Variants in ROBO2 observed in about 807,000 individuals in gnomAD.
The protein encoded by ROBO2 is roundabout guidance receptor 2, also known as roundabout homolog 2.
In ROBO2, 53 loss-of-function variants were observed where a neutral mutation model predicts 160.8. That is an observed-to-expected ratio of 0.33 (90% CI 0.26 to 0.41). ROBO2 has a LOEUF of 0.41. Ranked by LOEUF, ROBO2 falls within the 10% of genes least tolerant of loss-of-function variation. ROBO2 has a pLI of 1.00. For missense variants in ROBO2, 1,577 were observed against 1,722.4 expected, an observed-to-expected ratio of 0.92 and a Z score of 1.49; for synonymous variants, 664 against 611.7, an observed-to-expected ratio of 1.09 and a Z score of -1.26.
At chr3:77,199,777 C>T (rs1040725081) in intron 2 of ROBO2, among the ~76,000 whole-genome samples, 4 of 145,732 alleles carry the variant, frequency 2.7e-5, no homozygotes, top group Non-Finnish European at 3.1e-5. Flanking sequence ...CTTGTGCCAC[C>T]GTACCTCGCT....
chr3:77,645,390 T>G (rs2095402820), intron 25 of ROBO2, among the ~76,000 whole-genome samples: 1 of 152,212 alleles, frequency 6.6e-6, no homozygotes, highest in Non-Finnish European at 1.5e-5. Flanking sequence ...AATAACATTT[T>G]ATAAATAAAT....
intron 2 of ROBO2, among the ~76,000 whole-genome samples, chr3:77,218,270 C>T (rs1295359399): frequency 6.6e-6 from 1 of 152,136 alleles, no homozygotes; most frequent in East Asian, 1.9e-4. Context: ...TGCCAACCTC[C>T]TTCTCATACT....
intron 2 of ROBO2, among the ~76,000 whole-genome samples, chr3:77,292,599 C>T (rs2061438382): frequency 6.7e-6 from 1 of 148,768 alleles, no homozygotes; most frequent in Non-Finnish European, 1.5e-5. Flanking sequence ...GGCCAGATCA[C>T]CCCAGACATA....
chr3:76,302,319 CTTAT>C (rs1709402653), intron 2 of ROBO2, among the ~76,000 whole-genome samples: 1 of 152,036 alleles, frequency 6.6e-6, no homozygotes, highest in Non-Finnish European at 1.5e-5. Context: ...TCTGAGAACT[CTTAT>C]TTCTTTGTTT....
chr3:76,722,635 AG>A (rs1376778522), intron 2 of ROBO2, among the ~76,000 whole-genome samples: 1 of 152,184 alleles, frequency 6.6e-6, no homozygotes, highest in African/African-American at 2.4e-5. Context: ...GGCTGGCCCC[AG>A]GGTCAATCAC....
rs571590457 is a variant in ROBO2 at position 75,956,445 on chromosome 3, A to G, written c.109+18843A>G. Among the ~76,000 whole-genome samples the G allele has an allele frequency of 9.9e-4, 151 of 151,842 alleles. 2 individuals are homozygous for G. The highest frequency in any genetic ancestry group is 3.5e-3 in the African/African-American group (146 of 41,518). ...CTGATGGCATTCCAAAGCCATTTGAAATGAGTTGCTTTGGTTTCCAGTGAG... is the reference window on the plus strand; with the variant it reads ...CTGATGGCATTCCAAAGCCATTTGAGATGAGTTGCTTTGGTTTCCAGTGAG... On this transcript the variant is annotated intron_variant, in intron 2 of 26. Transcript: ENST00000487694.
chr3:76,295,041 A>G (rs1378169727), intron 2 of ROBO2, among the ~76,000 whole-genome samples: 1 of 152,066 alleles, frequency 6.6e-6, no homozygotes, highest in Non-Finnish European at 1.5e-5. Flanking sequence ...ACATGGGGAG[A>G]TGTTCTGTCA....
chr3:75,922,377 A>G (rs988781703), intron 1 of ROBO2, among the ~76,000 whole-genome samples: 1 of 152,174 alleles, frequency 6.6e-6, no homozygotes, highest in Non-Finnish European at 1.5e-5. Context: ...AAAATTTTTT[A>G]AAAAATATTT....
intron 2 of ROBO2, among the ~76,000 whole-genome samples, chr3:76,072,423 T>G (rs1004394600): frequency 6.0e-4 from 91 of 152,302 alleles, no homozygotes; most frequent in Non-Finnish European, 2.9e-4. Flanking sequence ...ATTTTATTTT[T>G]ACTTCATATT....
intron 2 of ROBO2, among the ~76,000 whole-genome samples, chr3:77,034,378 T>TAAA (rs200520468): frequency 7.6e-6 from 1 of 131,140 alleles, no homozygotes; most frequent in East Asian, 2.2e-4. Flanking sequence ...TATTCTTTGT[T>TAAA]AAAAAAAAAA....
At chr3:76,179,078 C>T (rs757242675) in intron 2 of ROBO2, among the ~76,000 whole-genome samples, 4 of 152,128 alleles carry the variant, frequency 2.6e-5, no homozygotes, top group South Asian at 2.1e-4. Context: ...AAGTATTTGA[C>T]GCCAAATATT....
At chr3:76,167,573 T>A (rs2106965122) in intron 2 of ROBO2, among the ~76,000 whole-genome samples, 1 of 152,280 alleles carries the variant, frequency 6.6e-6, no homozygotes, top group Admixed American at 6.5e-5. Flanking sequence ...TCCTCTAATT[T>A]GAAAACTCCT....
rs1308797952 is a variant in ROBO2, at chr3:77,047,709, T to TATAA, written c.61+6875_61+6878dup. On this transcript the variant is annotated intron_variant, in intron 1 of 25. Transcript: ENST00000461745. ...TCAAAAAAATATATATAATGATATA[T>TATAA]ATAAATAAATAAATATATATATAAA... Among the ~76,000 whole-genome samples the TATAA allele has an allele frequency of 1.3e-3, 184 of 146,996 alleles. 3 individuals are homozygous for TATAA. The highest frequency in any genetic ancestry group is 4.4e-3 in the African/African-American group (178 of 40,402).
At chr3:76,286,217 A>G (rs915124345) in intron 2 of ROBO2, among the ~76,000 whole-genome samples, 4 of 152,258 alleles carry the variant, frequency 2.6e-5, no homozygotes, top group African/African-American at 7.2e-5. Context: ...ACAAGCTTCC[A>G]TAAAAGCAAT....
intron 2 of ROBO2, among the ~76,000 whole-genome samples, chr3:76,484,393 A>T (rs899924570): frequency 2.0e-5 from 3 of 152,200 alleles, no homozygotes; most frequent in Non-Finnish European, 4.4e-5. Flanking sequence ...ACACTTAAGT[A>T]TCTGTTGTGT....
chr3:77,403,842 A>C (rs2076035353), intron 2 of ROBO2, among the ~76,000 whole-genome samples: 1 of 152,194 alleles, frequency 6.6e-6, no homozygotes, highest in African/African-American at 2.4e-5. Flanking sequence ...AGATGAAAAA[A>C]GTGGAGTTTG....
chr3:75,909,329 G>A (rs921077579), intron 1 of ROBO2, among the ~76,000 whole-genome samples: 4 of 152,158 alleles, frequency 2.6e-5, no homozygotes, highest in African/African-American at 9.7e-5. Flanking sequence ...GTGTGTCTAT[G>A]CATGCTCAGT....
At chr3:76,296,614 T>G (rs545927179) in intron 2 of ROBO2, among the ~76,000 whole-genome samples, 1 of 152,332 alleles carries the variant, frequency 6.6e-6, no homozygotes, top group African/African-American at 2.4e-5. Context: ...TTCCATAATT[T>G]ACCTATATAC....
At chr3:77,247,400 G>T (rs1380256648) in intron 2 of ROBO2, among the ~76,000 whole-genome samples, 1 of 152,076 alleles carries the variant, frequency 6.6e-6, no homozygotes, top group African/African-American at 2.4e-5. Flanking sequence ...TTAGAATGAG[G>T]CTGTTCCGCA....
Sources: allele counts gnomAD v4.1 joint callset (sites outside exome capture counted in the v4.1 genomes callset), GRCh38; gene constraint gnomAD v4.1.1; transcripts MANE v1.5; gene names NCBI Gene and HGNC (gene_info 2026-07-23, HGNC 2026-07-21).